Variants in RBFOX1 observed in about 807,000 individuals in gnomAD.
RBFOX1 encodes RNA binding protein fox-1 homolog 1.
In RBFOX1, 8 loss-of-function variants were observed where a neutral mutation model predicts 57.7. That is an observed-to-expected ratio of 0.14 (90% CI 0.08 to 0.25). RBFOX1 has a LOEUF of 0.25. Ranked by LOEUF, RBFOX1 falls within the 10% of genes least tolerant of loss-of-function variation. The pLI is 1.00. For missense variants in RBFOX1, 611 were observed against 548.5 expected (o/e 1.11, Z -1.14); for synonymous variants, 326 against 222.4 (o/e 1.47, Z -4.15).
At chr16:6,116,862 G>T (rs905433436) in intron 1 of RBFOX1, among the ~76,000 whole-genome samples, 5 of 152,070 alleles carry the variant, frequency 3.3e-5, no homozygotes, top group Non-Finnish European at 7.4e-5. Flanking sequence ...GAGGCTGGTG[G>T]CTGTACAGTA....
intron 5 of RBFOX1, among the ~76,000 whole-genome samples, chr16:7,545,426 A>G (rs2084184729): frequency 1.3e-5 from 2 of 152,124 alleles, no homozygotes; most frequent in Admixed American, 6.5e-5. Flanking sequence ...CCTGTCCAAC[A>G]GATGCACATT....
chr16:6,033,990 G>A (rs1301098952), intron 1 of RBFOX1, among the ~76,000 whole-genome samples: 1 of 152,138 alleles, frequency 6.6e-6, no homozygotes, highest in Non-Finnish European at 1.5e-5. Flanking sequence ...AAGTGTCTTA[G>A]TCTAGTTCTG....
At chr16:6,092,649 C>T (rs2096192157) in intron 1 of RBFOX1, 1 of 152,162 alleles carries the variant, frequency 6.6e-6, no homozygotes, top group South Asian at 2.1e-4. Flanking sequence ...ATAGGGAATC[C>T]TTTCCCCATT....
chr16:6,791,414 A>T (rs185543086), intron 3 of RBFOX1, among the ~76,000 whole-genome samples: 9 of 152,320 alleles, frequency 5.9e-5, no homozygotes, highest in African/African-American at 2.2e-4. Context: ...TGTGAAAATG[A>T]AAGTTCAGGG....
intron 3 of RBFOX1, among the ~76,000 whole-genome samples, chr16:7,050,876 C>A (rs917772036): frequency 6.6e-6 from 1 of 151,792 alleles, no homozygotes; most frequent in African/African-American, 2.4e-5. Context: ...AAGAGCTAAT[C>A]TTAGTGGTAA....
intron 4 of RBFOX1, among the ~76,000 whole-genome samples, chr16:5,932,787 A>AT (rs1440552535): frequency 6.6e-6 from 1 of 151,426 alleles, no homozygotes; most frequent in Non-Finnish European, 1.5e-5. Context: ...TCACATACTC[A>AT]TTTCCCACGT....
At position 6,276,818 on chromosome 16, in the gene RBFOX1, C is replaced by CT. The variant is rs60771173; in HGVS notation, c.-126-40165dup. On this transcript the variant is annotated intron_variant, in intron 1 of 15. Coordinates refer to ENST00000550418, the MANE Select transcript of RBFOX1 (RefSeq NM_018723.4). ...AGTCTGTAATTATTTCTTTTCTTTG[C>CT]TTTTTTTTTTTTATTAACTATGCTC... 7.4e-4 allele frequency among the ~76,000 whole-genome samples: 109 copies of CT among 147,910 alleles called. 1 individual carries two copies. The highest frequency in any genetic ancestry group is 2.2e-3 in the African/African-American group (90 of 40,424).
chr16:6,886,697 C>T (rs531986546), intron 3 of RBFOX1, among the ~76,000 whole-genome samples: 5 of 150,826 alleles, frequency 3.3e-5, no homozygotes, highest in Non-Finnish European at 5.9e-5. Flanking sequence ...AGAGGTTGCA[C>T]TAAACTGAGA....
intron 3 of RBFOX1, among the ~76,000 whole-genome samples, chr16:5,669,319 G>A (rs556172570): frequency 6.6e-6 from 1 of 151,936 alleles, no homozygotes; most frequent in African/African-American, 2.4e-5. Flanking sequence ...GCAGGAGGGA[G>A]CCAAGTTTCT....
chr16:6,067,254 G>A (rs2095777824), intron 1 of RBFOX1, among the ~76,000 whole-genome samples: 1 of 152,094 alleles, frequency 6.6e-6, no homozygotes, highest in African/African-American at 2.4e-5. Flanking sequence ...AAGTTAAGCT[G>A]GTTTTTAATC....
intron 14 of RBFOX1, among the ~76,000 whole-genome samples, chr16:7,707,480 A>C (rs1259255628): frequency 6.6e-6 from 1 of 152,178 alleles, no homozygotes; most frequent in Non-Finnish European, 1.5e-5. Context: ...TAATACAGAC[A>C]AACCATTTCT....
intron 2 of RBFOX1, among the ~76,000 whole-genome samples, chr16:5,562,760 C>G (rs1326076069): frequency 6.6e-6 from 1 of 152,028 alleles, no homozygotes; most frequent in Non-Finnish European, 1.5e-5. Context: ...TCAATCGTTT[C>G]AAGAATTAAA....
intron 4 of RBFOX1, among the ~76,000 whole-genome samples, chr16:7,081,961 C>T (rs1405179659): frequency 6.6e-6 from 1 of 152,158 alleles, no homozygotes; most frequent in Non-Finnish European, 1.5e-5. Context: ...TCTGTGCTTG[C>T]TCCTGTGGCC....
intron 2 of RBFOX1, among the ~76,000 whole-genome samples, chr16:6,417,411 A>C (rs1048343988): frequency 5.0e-5 from 6 of 119,392 alleles, no homozygotes; most frequent in Non-Finnish European, 8.8e-5. Flanking sequence ...AAATGTGTTT[A>C]CTTTTTTTTT....
At chr16:7,708,979 G>T in intron 14 of RBFOX1, 77 bp from the exon 15 acceptor site, 1 of 1,379,552 alleles carries the variant, frequency 7.2e-7, no homozygotes, top group Non-Finnish European at 1.0e-6. Flanking sequence ...TACTGTCTTG[G>T]TATTTTGGAT....
intron 2 of RBFOX1, among the ~76,000 whole-genome samples, chr16:6,617,559 A>G (rs1049504263): frequency 6.6e-6 from 1 of 152,068 alleles, no homozygotes; most frequent in Admixed American, 6.5e-5. Flanking sequence ...GGTTATAGAC[A>G]GGGCTGGAGG....
chr16:6,637,031 A>G (rs2098442613), intron 2 of RBFOX1, among the ~76,000 whole-genome samples: 1 of 118,372 alleles, frequency 8.4e-6, no homozygotes, highest in African/African-American at 3.4e-5. Flanking sequence ...AAACATTTAT[A>G]TGGATAAATT....
chr16:5,852,142 CCT>C (rs573662638), intron 3 of RBFOX1, among the ~76,000 whole-genome samples: 71 of 152,266 alleles, frequency 4.7e-4, no homozygotes, highest in African/African-American at 1.6e-3. Context: ...GGTTTTTCCC[CCT>C]CTTATTATTC....
At chr16:5,928,078 T>C (rs1246276916) in intron 4 of RBFOX1, among the ~76,000 whole-genome samples, 2 of 152,116 alleles carry the variant, frequency 1.3e-5, no homozygotes, top group Non-Finnish European at 2.9e-5. Flanking sequence ...TGAATAAATG[T>C]ATTTTATTTT....
Sources: allele counts gnomAD v4.1 joint callset (sites outside exome capture counted in the v4.1 genomes callset), GRCh38; gene constraint gnomAD v4.1.1; transcripts MANE v1.5; gene names NCBI Gene and HGNC (gene_info 2026-07-23, HGNC 2026-07-21).